Variants in PRKAG2 observed in about 807,000 individuals in gnomAD.
PRKAG2 encodes the protein protein kinase AMP-activated non-catalytic subunit gamma 2, also known as 5'-AMP-activated protein kinase subunit gamma-2.
PRKAG2 carries 26 observed loss-of-function variants against 69.6 expected under a neutral mutation model. The observed-to-expected ratio is 0.37, with a 90% CI of 0.27 to 0.52. The LOEUF is 0.52. Among genes scored for constraint, PRKAG2 ranks in the 20% least tolerant of loss-of-function variants. PRKAG2 has a pLI of 0.90. For missense variants in PRKAG2, 557 were observed against 740.0 expected, an observed-to-expected ratio of 0.75 and a Z score of 2.87; for synonymous variants, 293 against 285.0, an observed-to-expected ratio of 1.03 and a Z score of -0.28.
rs79431921 is a variant in PRKAG2 at position 151,725,594 on chromosome 7, G to T, written c.467-49957C>A. Among the ~76,000 whole-genome samples the T allele has an allele frequency of 4.0e-5, 6 of 151,574 alleles. No homozygotes were observed. In the East Asian group the frequency reaches 1.2e-3, roughly 29 times the overall value. Reference sequence around the variant, plus strand: ...AAAAAGAGCCAGGCTGGGTGTGGTGGCACTTTACCATTCCACAGAAGAGCT... The same window carrying T: ...AAAAAGAGCCAGGCTGGGTGTGGTGTCACTTTACCATTCCACAGAAGAGCT... On this transcript the variant is annotated intron_variant, in intron 3 of 15. Coordinates refer to ENST00000287878, the MANE Select transcript of PRKAG2 (RefSeq NM_016203.4).
chr7:151,731,755 G>A (rs1346918115), intron 3 of PRKAG2, among the ~76,000 whole-genome samples: 1 of 152,194 alleles, frequency 6.6e-6, no homozygotes, highest in East Asian at 1.9e-4. Flanking sequence ...TGGGCTTCCT[G>A]TGGAGAGGAG....
intron 1 of PRKAG2, among the ~76,000 whole-genome samples, chr7:151,803,830 C>T (rs1332713775): frequency 2.7e-5 from 4 of 149,484 alleles, no homozygotes; most frequent in Non-Finnish European, 5.9e-5. Flanking sequence ...CCCAGCAACT[C>T]AGGAGGCTGA....
intron 1 of PRKAG2, among the ~76,000 whole-genome samples, chr7:151,847,696 C>T (rs1237995505): frequency 6.6e-6 from 1 of 152,240 alleles, no homozygotes; most frequent in Non-Finnish European, 1.5e-5. Flanking sequence ...TGGGGCTGCT[C>T]CAGCCCTTGC....
intron 5 of PRKAG2, among the ~76,000 whole-genome samples, chr7:151,628,603 T>C (rs1823605510): frequency 6.6e-6 from 1 of 151,926 alleles, no homozygotes; most frequent in Admixed American, 6.6e-5. Flanking sequence ...TCCCAGCTAC[T>C]TGGGAGGCGG....
At chr7:151,648,244 T>G (rs1189500711) in intron 4 of PRKAG2, among the ~76,000 whole-genome samples, 1 of 152,206 alleles carries the variant, frequency 6.6e-6, no homozygotes, top group Non-Finnish European at 1.5e-5. Context: ...CACAGTTATT[T>G]AAATTGACTT....
intron 5 of PRKAG2, among the ~76,000 whole-genome samples, chr7:151,610,345 G>C (rs112066411): frequency 6.6e-6 from 1 of 152,148 alleles, no homozygotes; most frequent in African/African-American, 2.4e-5. Context: ...CTCCAGCCTG[G>C]GCGACAGAGC....
chr7:151,650,784 T>C (rs2151393444), intron 4 of PRKAG2, among the ~76,000 whole-genome samples: 1 of 152,346 alleles, frequency 6.6e-6, no homozygotes, highest in African/African-American at 2.4e-5. Flanking sequence ...TAAGAAGGTC[T>C]TTGATAATGC....
chr7:151,741,771 C>T (rs774639039), intron 3 of PRKAG2, among the ~76,000 whole-genome samples: 7 of 151,866 alleles, frequency 4.6e-5, no homozygotes, highest in Non-Finnish European at 1.0e-4. Context: ...GCAGGCCTGA[C>T]GTTTCCGTGC....
chr7:151,750,935 C>CA (rs11431991), intron 3 of PRKAG2, among the ~76,000 whole-genome samples: 3,351 of 151,634 alleles, frequency 0.022, 121 homozygotes, highest in African/African-American at 0.078. Flanking sequence ...CATTTTACCA[C>CA]AAAAAAAGTT....
chr7:151,703,850 ACACAC>A (rs1838140385), intron 3 of PRKAG2, among the ~76,000 whole-genome samples: 1 of 32,098 alleles, frequency 3.1e-5, no homozygotes, highest in Non-Finnish European at 6.6e-5. Context: ...TGGAAAACAC[ACACAC>A]ACACACACAC....
In PRKAG2 at chr7:151,687,257, G is replaced by A. The variant is rs543692652; in HGVS notation, c.467-11620C>T. ...GAGTTCTACATCATGGACCCAAAACGTAACCCTAGATACTTCGCTTGGGCA... is the reference window on the plus strand; with the variant it reads ...GAGTTCTACATCATGGACCCAAAACATAACCCTAGATACTTCGCTTGGGCA... On this transcript the variant is annotated intron_variant, in intron 3 of 15. Coordinates refer to ENST00000287878, the MANE Select transcript of PRKAG2 (RefSeq NM_016203.4). 3.3e-5 allele frequency among the ~76,000 whole-genome samples: 5 copies of A among 152,268 alleles called. No individual in the cohort carries two copies. In the East Asian group the frequency reaches 5.8e-4, roughly 18 times the overall value.
At chr7:151,855,185 C>T (rs1586728601) in intron 1 of PRKAG2, among the ~76,000 whole-genome samples, 1 of 56,380 alleles carries the variant, frequency 1.8e-5, no homozygotes, top group Admixed American at 1.9e-4. Context: ...CCTCCACACA[C>T]ACCACCCTCC....
At chr7:151,616,310 A>G (rs1429745300) in intron 5 of PRKAG2, among the ~76,000 whole-genome samples, 1 of 152,200 alleles carries the variant, frequency 6.6e-6, no homozygotes, top group Non-Finnish European at 1.5e-5. Context: ...ACAGGCACAC[A>G]CACACATGCA....
At chr7:151,664,382 C>A (rs1830734085) in intron 4 of PRKAG2, among the ~76,000 whole-genome samples, 1 of 152,100 alleles carries the variant, frequency 6.6e-6, no homozygotes, top group South Asian at 2.1e-4. Context: ...CAGGAACTTC[C>A]CATTAGCACA....
chr7:151,848,279 A>G (rs2079483039), intron 1 of PRKAG2, among the ~76,000 whole-genome samples: 1 of 152,126 alleles, frequency 6.6e-6, no homozygotes, highest in African/African-American at 2.4e-5. Flanking sequence ...CTCTTAGAAA[A>G]GAGCTGGAAG....
intron 3 of PRKAG2, among the ~76,000 whole-genome samples, chr7:151,723,172 T>A (rs1036113131): frequency 6.6e-6 from 1 of 152,172 alleles, no homozygotes; most frequent in Non-Finnish European, 1.5e-5. Flanking sequence ...TCACCTCCAA[T>A]ACCCTTTCCC....
intron 2 of PRKAG2, 40 bp downstream of exon 2, chr7:151,786,430 T>G: frequency 6.4e-7 from 1 of 1,567,724 alleles, no homozygotes; most frequent in Non-Finnish European, 8.7e-7. Context: ...CCGTGGCACC[T>G]CAAGTGAGCT....
intron 1 of PRKAG2, among the ~76,000 whole-genome samples, chr7:151,876,283 C>G (rs1451216658): frequency 6.6e-6 from 1 of 152,116 alleles, no homozygotes; most frequent in Non-Finnish European, 1.5e-5. Flanking sequence ...GCCCCCGCCC[C>G]AGGCGGAGCC....
At chr7:151,596,308 T>A (rs1315348219) in intron 5 of PRKAG2, among the ~76,000 whole-genome samples, 1 of 152,196 alleles carries the variant, frequency 6.6e-6, no homozygotes, top group East Asian at 1.9e-4. Context: ...ATCAGTAGCA[T>A]TTCTATACAC....
Sources: allele counts gnomAD v4.1 joint callset (sites outside exome capture counted in the v4.1 genomes callset), GRCh38; gene constraint gnomAD v4.1.1; transcripts MANE v1.5; gene names NCBI Gene and HGNC (gene_info 2026-07-23, HGNC 2026-07-21).